NAALADL2: variants seen among roughly 807,000 people sequenced by gnomAD.
NAALADL2 encodes N-acetylated alpha-linked acidic dipeptidase like 2, also known as inactive N-acetylated-alpha-linked acidic dipeptidase-like protein 2.
In NAALADL2, 76 loss-of-function variants were observed where a neutral mutation model predicts 87.2. The ratio of observed to expected loss-of-function variants is 0.87; its 90% CI spans 0.72 to 1.05. The LOEUF (loss-of-function observed/expected upper bound fraction) is 1.05. NAALADL2 is among the 50% of genes least tolerant of loss of function. The probability of loss-of-function intolerance (pLI) is 0.00; values close to 1 mark genes in which losing one functional copy is unlikely to be tolerated. For synonymous variants in NAALADL2, 354 were observed against 331.0 expected, an observed-to-expected ratio of 1.07 and a Z score of -0.75; for missense variants, 1,089 against 945.8, an observed-to-expected ratio of 1.15 and a Z score of -1.99.
intron 13 of NAALADL2, among the ~76,000 whole-genome samples, chr3:175,790,600 T>A (rs574269866): frequency 6.6e-6 from 1 of 152,230 alleles, no homozygotes; most frequent in Admixed American, 6.5e-5. Context: ...ATGCAACGTC[T>A]AAGATTCCTA....
chr3:175,025,252 A>G (rs1273873806), intron 1 of NAALADL2, among the ~76,000 whole-genome samples: 1 of 152,078 alleles, frequency 6.6e-6, no homozygotes, highest in Non-Finnish European at 1.5e-5. Context: ...GAAAAAAAAA[A>G]GTTTTCATGT....
intron 13 of NAALADL2, among the ~76,000 whole-genome samples, chr3:175,768,260 A>G (rs757425760): frequency 1.5e-4 from 23 of 152,152 alleles, no homozygotes; most frequent in Non-Finnish European, 3.1e-4. Context: ...TCTGGTCTTC[A>G]CAATACCTTA....
chr3:174,687,711 TG>T (rs1728176889), intron 2 of NAALADL2, among the ~76,000 whole-genome samples: 1 of 152,148 alleles, frequency 6.6e-6, no homozygotes, highest in African/African-American at 2.4e-5. Flanking sequence ...TGATATGGTT[TG>T]GCTGTATCCC....
intron 13 of NAALADL2, among the ~76,000 whole-genome samples, chr3:175,781,821 A>G (rs1751146945): frequency 6.6e-6 from 1 of 151,914 alleles, no homozygotes; most frequent in Admixed American, 6.6e-5. Flanking sequence ...CTAACTCGTC[A>G]TCTAGCATTA....
In NAALADL2 at chr3:175,653,129, G is replaced by C. The variant is rs188269010; in HGVS notation, c.1896+25743G>C. ...CACATCTGTGTCATCTCCACACTGA[G>C]TAGGCTAAGGAGGAGGAGGAAGAGA... On this transcript the variant is annotated intron_variant, in intron 11 of 13. Coordinates refer to ENST00000454872, the MANE Select transcript of NAALADL2 (RefSeq NM_207015.3). Among the ~76,000 whole-genome samples the C allele has an allele frequency of 4.6e-5, 7 of 152,208 alleles. No individual in the cohort carries two copies. The East Asian group carries it at 1.4e-3, about 29-fold the overall frequency.
intron 4 of NAALADL2, among the ~76,000 whole-genome samples, chr3:175,302,848 A>C (rs1372978529): frequency 4.0e-5 from 6 of 148,806 alleles, no homozygotes. Flanking sequence ...ATGTGTGTGT[A>C]TGTGTGTGTG....
At chr3:175,030,189 CTTG>C (rs1273673882) in intron 1 of NAALADL2, among the ~76,000 whole-genome samples, 4 of 152,026 alleles carry the variant, frequency 2.6e-5, no homozygotes, top group Admixed American at 6.6e-5. Flanking sequence ...CATTTGCACA[CTTG>C]TTGTTTAATA....
intron 2 of NAALADL2, among the ~76,000 whole-genome samples, chr3:175,103,094 G>A (rs145596643): frequency 0.019 from 2,388 of 128,950 alleles, 65 homozygotes; most frequent in African/African-American, 0.068. Context: ...ACGGCAGAGC[G>A]AGACTCCGTC....
At chr3:175,196,843 A>ATC (rs1739089382) in intron 2 of NAALADL2, among the ~76,000 whole-genome samples, 1 of 151,880 alleles carries the variant, frequency 6.6e-6, no homozygotes, top group Non-Finnish European at 1.5e-5. Flanking sequence ...GCAGCCCTCG[A>ATC]TCTAGGGTAC....
At chr3:175,560,329 T>A (rs766293068) in intron 9 of NAALADL2, among the ~76,000 whole-genome samples, 43 of 152,282 alleles carry the variant, frequency 2.8e-4, no homozygotes, top group Non-Finnish European at 5.1e-4. Flanking sequence ...TCATTTTTTC[T>A]TACTTAATCT....
chr3:174,614,259 T>C (rs949227311), intron 2 of NAALADL2, among the ~76,000 whole-genome samples: 4 of 152,152 alleles, frequency 2.6e-5, no homozygotes, highest in Admixed American at 2.6e-4. Flanking sequence ...AGTACTCTCC[T>C]AGGAGTTGCA....
intron 10 of NAALADL2, among the ~76,000 whole-genome samples, chr3:175,582,503 C>G (rs187798231): frequency 3.3e-5 from 5 of 152,008 alleles, no homozygotes; most frequent in Admixed American, 6.6e-5. Context: ...TCTAATAAAG[C>G]CTTTTTAAAA....
At chr3:174,642,985 T>C (rs1405280337) in intron 2 of NAALADL2, among the ~76,000 whole-genome samples, 2 of 152,016 alleles carry the variant, frequency 1.3e-5, no homozygotes, top group African/African-American at 4.8e-5. Flanking sequence ...TCTCACTATG[T>C]TACCCAGCCT....
At chr3:175,449,077 A>T (rs896262592) in intron 6 of NAALADL2, among the ~76,000 whole-genome samples, 3 of 152,026 alleles carry the variant, frequency 2.0e-5, no homozygotes, top group African/African-American at 7.2e-5. Context: ...GTTATCAAAT[A>T]ACTACTTTTT....
chr3:175,360,810 CTGTGTGTGTGTGTGTATG>C (rs1440136728), intron 5 of NAALADL2, among the ~76,000 whole-genome samples: 3 of 109,780 alleles, frequency 2.7e-5, no homozygotes, highest in Admixed American at 1.9e-4. Context: ...TAATATTCCA[CTGTGTGTGTGTGTGTATG>C]TGTGTGTGTG....
chr3:175,749,192 G>A (rs1746314627), intron 12 of NAALADL2, among the ~76,000 whole-genome samples: 1 of 104,604 alleles, frequency 9.6e-6, no homozygotes, highest in Admixed American at 9.8e-5. Context: ...GAGAGGAGGG[G>A]AAGGGAGGGG....
chr3:174,469,797 G>A (rs185581252), intron 1 of NAALADL2, among the ~76,000 whole-genome samples: 37 of 152,192 alleles, frequency 2.4e-4, no homozygotes, highest in African/African-American at 8.2e-4. Context: ...GTATGTGTGT[G>A]TGTGTTTTAA....
chr3:175,774,894 T>C (rs764965785), intron 13 of NAALADL2: 8 of 152,080 alleles, frequency 5.3e-5, no homozygotes, highest in Non-Finnish European at 1.0e-4. Flanking sequence ...TTCTTTTTTA[T>C]GTAGTTTAAT....
At chr3:175,717,171 TCCTCCTG>T (rs1741416572) in intron 11 of NAALADL2, among the ~76,000 whole-genome samples, 1 of 152,102 alleles carries the variant, frequency 6.6e-6, no homozygotes, top group Admixed American at 6.6e-5. Context: ...CCTCAAGTGA[TCCTCCTG>T]CCTCCTGCCG....
Sources: allele counts gnomAD v4.1 joint callset (sites outside exome capture counted in the v4.1 genomes callset), GRCh38; gene constraint gnomAD v4.1.1; transcripts MANE v1.5; gene names NCBI Gene and HGNC (gene_info 2026-07-23, HGNC 2026-07-21).